The following TUSC3 variants were observed in gnomAD, a reference collection of about 807,000 sequenced individuals.
The protein encoded by TUSC3 is tumor suppressor candidate 3.
TUSC3 carries 45 observed loss-of-function variants against 44.8 expected under a neutral mutation model. The observed-to-expected ratio is 1.00, with a 90% CI of 0.79 to 1.29. TUSC3 has a LOEUF of 1.29. Among genes scored for constraint, TUSC3 ranks in the 50% most tolerant of loss-of-function variants. The pLI, the probability that TUSC3 is intolerant of heterozygous loss-of-function variation, is 0.00. For missense variants in TUSC3, 519 were observed against 437.9 expected (o/e 1.19, Z -1.65); for synonymous variants, 212 against 152.9 (o/e 1.39, Z -2.85).
the TUSC3 span, among the ~76,000 whole-genome samples, chr8:15,823,748 A>G: frequency 6.6e-6 from 1 of 152,154 alleles, no homozygotes; most frequent in Non-Finnish European, 1.5e-5. Flanking sequence ...CAGTGTTGAA[A>G]TCATGTTCTT....
intron 1 of TUSC3, among the ~76,000 whole-genome samples, chr8:15,580,751 T>G (rs1165277593): frequency 7.8e-6 from 1 of 127,496 alleles, no homozygotes; most frequent in African/African-American, 3.2e-5. Flanking sequence ...GCCCTTAACA[T>G]TTTTTCCTTC....
intron 9 of TUSC3, among the ~76,000 whole-genome samples, chr8:15,754,732 C>G (rs907473810): frequency 1.3e-5 from 2 of 152,150 alleles, no homozygotes; most frequent in Middle Eastern, 3.4e-3. Flanking sequence ...CACTGATATA[C>G]AGGACTGTAT....
the TUSC3 span, among the ~76,000 whole-genome samples, chr8:15,817,839 C>T: frequency 2.0e-5 from 3 of 152,096 alleles, no homozygotes; most frequent in Non-Finnish European, 4.4e-5. Context: ...CTATGTGTCA[C>T]GATATGCTTC....
chr8:15,833,335 T>A, the TUSC3 span, among the ~76,000 whole-genome samples: 1 of 152,154 alleles, frequency 6.6e-6, no homozygotes, highest in African/African-American at 2.4e-5. Flanking sequence ...GAAATACCAT[T>A]TGACCAGCAA....
At chr8:15,836,551 T>G in the TUSC3 span, among the ~76,000 whole-genome samples, 2 of 152,118 alleles carry the variant, frequency 1.3e-5, no homozygotes, top group African/African-American at 4.8e-5. Context: ...CTTACCCTTT[T>G]CCACTCCCTG....
chr8:15,818,183 G>C, the TUSC3 span, among the ~76,000 whole-genome samples: 1 of 152,176 alleles, frequency 6.6e-6, no homozygotes, highest in East Asian at 1.9e-4. Flanking sequence ...CTTTTTAAAA[G>C]TTTTCCATTC....
At chr8:15,844,998 A>G in the TUSC3 span, among the ~76,000 whole-genome samples, 1 of 152,196 alleles carries the variant, frequency 6.6e-6, no homozygotes, top group Non-Finnish European at 1.5e-5. Flanking sequence ...AAAATACAAT[A>G]GAAACAGCAG....
At chr8:15,561,724 C>T (rs1585102707) in intron 1 of TUSC3, 1 of 148,216 alleles carries the variant, frequency 6.7e-6, no homozygotes, top group Admixed American at 6.8e-5. Context: ...TTTTTTAAGC[C>T]CGTCGGAAAA....
intron 2 of TUSC3, among the ~76,000 whole-genome samples, chr8:15,534,613 A>G (rs1226686758): frequency 6.7e-6 from 1 of 149,970 alleles, no homozygotes; most frequent in Non-Finnish European, 1.5e-5. Flanking sequence ...ACTGCACTCC[A>G]GCCTAGGTGA....
chr8:15,427,911 T>G (rs1282761033), intron 1 of TUSC3, among the ~76,000 whole-genome samples: 2 of 152,184 alleles, frequency 1.3e-5, no homozygotes, highest in African/African-American at 4.8e-5. Context: ...TATTCCATTG[T>G]GAGTTGATTT....
intron 1 of TUSC3, among the ~76,000 whole-genome samples, chr8:15,574,329 T>G (rs1259780549): frequency 6.6e-6 from 1 of 152,106 alleles, no homozygotes; most frequent in Non-Finnish European, 1.5e-5. Flanking sequence ...TATAAATAAA[T>G]ATGATGAGTA....
chr8:15,461,833 CAAATT>C (rs1800349609), intron 1 of TUSC3, among the ~76,000 whole-genome samples: 2 of 151,486 alleles, frequency 1.3e-5, no homozygotes, highest in Admixed American at 6.6e-5. Context: ...TATATATAAT[CAAATT>C]AAAACATTAA....
intron 1 of TUSC3, among the ~76,000 whole-genome samples, chr8:15,433,462 C>T (rs552650768): frequency 2.0e-5 from 3 of 152,240 alleles, no homozygotes; most frequent in South Asian, 4.1e-4. Flanking sequence ...GATAACCACT[C>T]AACCAAACTA....
At chr8:15,783,787 T>A in the TUSC3 span, among the ~76,000 whole-genome samples, 1 of 152,140 alleles carries the variant, frequency 6.6e-6, no homozygotes, top group African/African-American at 2.4e-5. Context: ...CTTCATGGCA[T>A]TGGTCTGGGC....
chr8:15,844,423 T>A, the TUSC3 span, among the ~76,000 whole-genome samples: 1 of 152,008 alleles, frequency 6.6e-6, no homozygotes, highest in African/African-American at 2.4e-5. Context: ...AAACAAATAA[T>A]ATGTGGCCTA....
chr8:15,825,998 T>C, the TUSC3 span, among the ~76,000 whole-genome samples: 1 of 151,842 alleles, frequency 6.6e-6, no homozygotes, highest in Non-Finnish European at 1.5e-5. Context: ...AATGTGCTGA[T>C]GTGAGCCAGT....
At chr8:15,600,364 G>C (rs1804236100) in intron 1 of TUSC3, among the ~76,000 whole-genome samples, 1 of 151,668 alleles carries the variant, frequency 6.6e-6, no homozygotes, top group African/African-American at 2.4e-5. Context: ...TTCATCTAAG[G>C]ACAAACAGGT....
At chr8:15,522,259 G>A (rs1270943137) in intron 2 of TUSC3, among the ~76,000 whole-genome samples, 2 of 150,898 alleles carry the variant, frequency 1.3e-5, no homozygotes, top group African/African-American at 2.4e-5. Flanking sequence ...CTTTGAGACA[G>A]TCTTGCTCTA....
At chr8:15,453,398 A>G (rs1800217984) in intron 1 of TUSC3, among the ~76,000 whole-genome samples, 1 of 152,186 alleles carries the variant, frequency 6.6e-6, no homozygotes, top group Non-Finnish European at 1.5e-5. Flanking sequence ...TTATGGCACC[A>G]CTAAAAAAGC....
Sources: gnomAD v4.1 joint callset for allele counts (sites outside exome capture counted in the v4.1 genomes callset) on GRCh38, gnomAD v4.1.1 for gene constraint, MANE v1.5 for transcripts, NCBI Gene and HGNC (gene_info 2026-07-23, HGNC 2026-07-21) for gene names.